DPP8: variants seen among roughly 807,000 people sequenced by gnomAD.
The protein encoded by DPP8 is dipeptidyl peptidase 8, also known as DPP VIII.
In DPP8, 31 loss-of-function variants were observed where a neutral mutation model predicts 107.5. That is an observed-to-expected ratio of 0.29 (90% CI 0.22 to 0.39). DPP8 has a LOEUF of 0.39. DPP8 is among the 10% of genes least tolerant of loss of function. The pLI, the probability that DPP8 is intolerant of heterozygous loss-of-function variation, is 1.00. For synonymous variants in DPP8, 381 were observed against 356.6 expected (o/e 1.07, Z -0.77); for missense variants, 842 against 1,076.1 (o/e 0.78, Z 3.04).
In DPP8 at chr15:65,484,655, C is replaced by CAA. The variant is rs1161936925; in HGVS notation, c.1017+442_1017+443dup. On this transcript the variant is annotated intron_variant, in intron 8 of 19. Coordinates refer to ENST00000300141, the MANE Select transcript of DPP8 (RefSeq NM_130434.5). ...GCCTGTTAAACCTTGGCTCTTAACT[C>CAA]AAAAAAAAAAAAAAAAAAGTCTAGA... 2.5e-3 allele frequency among the ~76,000 whole-genome samples: 249 copies of CAA among 98,294 alleles called. 2 individuals carry two copies. The highest frequency in any genetic ancestry group is 4.4e-3 in the East Asian group (19 of 4,278). 64.5% of individuals were successfully genotyped at this position (98,294 alleles called of 152,430 possible).
intron 11 of DPP8, chr15:65,475,358 G>T: frequency 1.5e-6 from 2 of 1,346,460 alleles, no homozygotes; most frequent in Non-Finnish European, 1.1e-6. Context: ...CTGAGTGTGG[G>T]CTTTGGAGGA....
chr15:65,511,849 G>T, intron 2 of DPP8: 1 of 239,740 alleles, frequency 4.2e-6, no homozygotes, highest in Non-Finnish European at 8.6e-6. Flanking sequence ...AAACAAGAAA[G>T]TAAATCAGTA....
intron 12 of DPP8, among the ~76,000 whole-genome samples, chr15:65,472,538 G>A (rs572175121): frequency 8.5e-5 from 13 of 152,064 alleles, no homozygotes; most frequent in Non-Finnish European, 1.5e-4. Context: ...GGCCTCAAGC[G>A]ATTCTCCAGC....
intron 1 of DPP8, chr15:65,516,564 C>G (rs1386323405): frequency 2.0e-5 from 3 of 152,142 alleles, no homozygotes; most frequent in Non-Finnish European, 4.4e-5. Flanking sequence ...GGAAAAACAG[C>G]GAGGTTATGC....
At chr15:65,479,850 CAAAAAAAAAAAAA>C (rs56303808) in intron 10 of DPP8, among the ~76,000 whole-genome samples, 51 of 66,786 alleles carry the variant, frequency 7.6e-4, no homozygotes, top group East Asian at 1.1e-3. Context: ...GACTCCGTCT[CAAAAAAAAAAAAA>C]AAAAAAAAAA....
intron 5 of DPP8, among the ~76,000 whole-genome samples, chr15:65,494,227 C>T (rs193006572): frequency 7.0e-4 from 96 of 138,070 alleles, no homozygotes; most frequent in African/African-American, 2.6e-3. Flanking sequence ...AATTATAGCT[C>T]ACTCCAAGTC....
intron 5 of DPP8, among the ~76,000 whole-genome samples, chr15:65,491,590 T>G (rs1286362001): frequency 6.6e-6 from 1 of 152,210 alleles, no homozygotes; most frequent in Non-Finnish European, 1.5e-5. Context: ...TTGTTTGGCT[T>G]CTTTTGAGTT....
chr15:65,490,206 C>T lies in DPP8; in HGVS notation c.809G>A (p.Cys270Tyr). 2 of 1,599,510 alleles carry T rather than the reference C, an allele frequency of 1.3e-6. No individual in the cohort carries two copies. The highest frequency in any genetic ancestry group is 1.7e-6 in the Non-Finnish European group (2 of 1,166,786). ...EFDRYSGYWW[C>Y]PKAETTPSGG... ...CCCCTTACTTGTTTCAGCTTTTGGACACCACCAATAGCCAGAATATCTATC... is the reference window on the plus strand; with the variant it reads ...CCCCTTACTTGTTTCAGCTTTTGGATACCACCAATAGCCAGAATATCTATC... The change falls in exon 6 of 20, where the codon TGT becomes TAT. Residue 270 changes from cysteine (C) to tyrosine (Y), a missense_variant. This residue lies in a region of DPP8 where 663 missense variants were observed against 758.0 expected (regional missense o/e 0.87). Coordinates refer to ENST00000300141, the MANE Select transcript of DPP8 (RefSeq NM_130434.5).
chr15:65,446,643 T>C lies in DPP8; in HGVS notation c.*241A>G. 5.1e-6 allele frequency: 1 copy of C among 196,090 alleles called. No homozygotes were observed. 12.1% of individuals were successfully genotyped at this position (196,090 alleles called of 1,614,324 possible). A position where few individuals can be genotyped will look rare whatever the true frequency, so the allele number is the denominator to read the frequency against. On this transcript the variant is annotated 3_prime_UTR_variant, in exon 20 of 20. Transcript: ENST00000300141. ...TTTTTTTTTTTTTTTTTTTAGTAAT[T>C]CTTATGGTATTGCTGGGTCTCTCAG...
intron 12 of DPP8, among the ~76,000 whole-genome samples, chr15:65,470,346 C>G (rs184880445): frequency 3.9e-4 from 59 of 151,966 alleles, no homozygotes; most frequent in African/African-American, 1.4e-3. Flanking sequence ...TGGCTCACGC[C>G]TGTAATCCCA....
At chr15:65,470,671 C>A (rs2065802435) in intron 12 of DPP8, among the ~76,000 whole-genome samples, 1 of 150,654 alleles carries the variant, frequency 6.6e-6, no homozygotes, top group African/African-American at 2.4e-5. Context: ...GAAATCCTAG[C>A]ACTCTGGGAG....
At chr15:65,475,511 G>T in intron 11 of DPP8, 1 of 1,448,304 alleles carries the variant, frequency 6.9e-7, no homozygotes, top group Non-Finnish European at 9.6e-7. Flanking sequence ...CACATGACCT[G>T]CCATAAAGGC....
At chr15:65,493,267 A>C (rs2068226381) in intron 5 of DPP8, among the ~76,000 whole-genome samples, 1 of 152,062 alleles carries the variant, frequency 6.6e-6, no homozygotes, top group African/African-American at 2.4e-5. Context: ...TTTTTAGTAG[A>C]GACAGGGTTT....
intron 5 of DPP8, among the ~76,000 whole-genome samples, chr15:65,492,595 A>C (rs1173525160): frequency 1.3e-5 from 2 of 151,974 alleles, no homozygotes; most frequent in Non-Finnish European, 2.9e-5. Flanking sequence ...TAGTGACTTT[A>C]ATTTTTTATT....
chr15:65,455,185 T>A (rs1277770580), intron 16 of DPP8, among the ~76,000 whole-genome samples: 1 of 152,144 alleles, frequency 6.6e-6, no homozygotes, highest in Non-Finnish European at 1.5e-5. Context: ...CAGGTTGGAG[T>A]GCAGTAGTGT....
chr15:65,509,542 G>A (rs1409227164), intron 2 of DPP8, among the ~76,000 whole-genome samples: 1 of 152,168 alleles, frequency 6.6e-6, no homozygotes, highest in African/African-American at 2.4e-5. Flanking sequence ...CATGTCTTCA[G>A]GCAACAGTAT....
At chr15:65,474,596 T>A (rs2066213851) in intron 11 of DPP8, among the ~76,000 whole-genome samples, 1 of 152,144 alleles carries the variant, frequency 6.6e-6, no homozygotes, top group African/African-American at 2.4e-5. Flanking sequence ...TCCTCCCACC[T>A]CAGCCTCCTG....
intron 5 of DPP8, among the ~76,000 whole-genome samples, chr15:65,490,502 A>C (rs2067919989): frequency 6.6e-6 from 1 of 152,144 alleles, no homozygotes; most frequent in Admixed American, 6.6e-5. Flanking sequence ...TCCCATTTGT[A>C]AATGAGAAAA....
chr15:65,458,936 A>T (rs2064675666), intron 15 of DPP8: 1 of 152,050 alleles, frequency 6.6e-6, no homozygotes. Flanking sequence ...AAGATGAATG[A>T]TCTTCCAAGA....
Sources: gnomAD v4.1 joint callset for allele counts (sites outside exome capture counted in the v4.1 genomes callset) on GRCh38, gnomAD v4.1.1 for gene constraint, gnomAD v4.1.1 regional missense constraint, MANE v1.5 for transcripts, NCBI Gene and HGNC (gene_info 2026-07-23, HGNC 2026-07-21) for gene names.